The following HTR5A variants were observed in gnomAD, a reference collection of about 807,000 sequenced individuals.
The protein encoded by HTR5A is 5-hydroxytryptamine receptor 5A, also known as 5-HT-5.
Under a neutral mutation model 24.3 loss-of-function variants are expected in HTR5A, and 21 were observed. The observed-to-expected ratio is 0.86, with a 90% CI of 0.61 to 1.24. HTR5A has a LOEUF of 1.24. HTR5A is among the 50% of genes most tolerant of loss of function. The pLI, the probability that HTR5A is intolerant of heterozygous loss-of-function variation, is 0.00. For synonymous variants in HTR5A, 260 were observed against 213.7 expected (o/e 1.22, Z -1.89); for missense variants, 497 against 489.5 (o/e 1.02, Z -0.15).
At position 155,084,724 on chromosome 7, in the gene HTR5A, A is replaced by T; in HGVS notation, c.*237A>T. On this transcript the variant is annotated 3_prime_UTR_variant, in exon 2 of 2. Transcript: ENST00000287907. ...ATCTACTATCCCTTTCTCTGTGCTG[A>T]CAGTCATGGTCTTTGCCCGCAAAGT... is the stretch of plus-strand genomic sequence containing the variant. The T allele has an allele frequency of 2.1e-6, 1 of 487,456 alleles. No homozygotes were observed. The highest frequency in any genetic ancestry group is 3.6e-6 in the Non-Finnish European group (1 of 277,586). 30.2% of individuals were successfully genotyped at this position (487,456 alleles called of 1,614,324 possible). A position where few individuals can be genotyped will look rare whatever the true frequency, so the allele number is the denominator to read the frequency against.
At position 155,071,669 on chromosome 7, in the gene HTR5A, C is replaced by T. The variant is rs201968051; in HGVS notation, c.741+29C>T. ...GGTATCTCAGCAATCCTTAAAAATA[C>T]TCGACTTGCATCTGTACAGGCTATA... is the stretch of plus-strand genomic sequence containing the variant. On this transcript the variant is annotated intron_variant, in intron 1 of 1. Transcript: ENST00000287907. 2.1e-5 allele frequency: 33 copies of T among 1,605,798 alleles called. No individual in the cohort carries two copies. In the South Asian group the frequency reaches 3.0e-4, roughly 15 times the overall value.
chr7:155,074,896 A>T (rs976760028), intron 1 of HTR5A: 7 of 152,228 alleles, frequency 4.6e-5, no homozygotes, highest in Non-Finnish European at 8.8e-5. Context: ...GTAGATGAAT[A>T]GCATGACACC....
chr7:155,083,673 G>C (rs1795443555), intron 1 of HTR5A, among the ~76,000 whole-genome samples: 1 of 152,196 alleles, frequency 6.6e-6, no homozygotes, highest in African/African-American at 2.4e-5. Context: ...AATATGCTAT[G>C]GGGCACAGCA....
At chr7:155,083,453 G>C (rs533651934) in intron 1 of HTR5A, among the ~76,000 whole-genome samples, 9 of 152,358 alleles carry the variant, frequency 5.9e-5, no homozygotes, top group Admixed American at 6.5e-5. Context: ...GGGAGGAAGA[G>C]CTTCCTTTCC....
chr7:155,087,032 C>T lies in HTR5A; in HGVS notation c.*2545C>T, dbSNP rs758882878. 9.2e-5 allele frequency among the ~76,000 whole-genome samples: 14 copies of T among 152,040 alleles called. No homozygotes were observed. The South Asian group carries it at 1.2e-3, about 14-fold the overall frequency. On this transcript the variant is annotated 3_prime_UTR_variant, in exon 2 of 2. Coordinates refer to ENST00000287907, the MANE Select transcript of HTR5A (RefSeq NM_024012.4). ...TCCTTTCAGCTCTTGTAGAATATGT[C>T]GAACAAAACGCACAGTTCTGCCCTC... is the stretch of plus-strand genomic sequence containing the variant.
chr7:155,070,755 G>A lies in HTR5A; in HGVS notation c.-145G>A. 2.3e-6 allele frequency: 2 copies of A among 868,884 alleles called. No individual in the cohort carries two copies. Among genetic ancestry groups the A allele is most frequent in the South Asian group, 1.7e-5 (1 of 60,388 alleles). The allele number at this position is 868,884 out of a possible 1,614,324, so 53.8% of individuals were successfully genotyped here. Reference sequence around the variant, plus strand: ...ACGGATGCTCACTAGCAGGAAATTGGGGCCAAATTCACAGGCACTTTCCAG... The same window carrying A: ...ACGGATGCTCACTAGCAGGAAATTGAGGCCAAATTCACAGGCACTTTCCAG... On this transcript the variant is annotated 5_prime_UTR_variant, in exon 1 of 2. Transcript: ENST00000287907.
At chr7:155,073,696 C>G (rs74917375) in intron 1 of HTR5A, among the ~76,000 whole-genome samples, 2 of 151,798 alleles carry the variant, frequency 1.3e-5, no homozygotes, top group Admixed American at 6.6e-5. Context: ...GCCCTAAACA[C>G]AGCTTTAGAA....
In HTR5A at chr7:155,084,157, G is replaced by A. The variant is rs1185196143; in HGVS notation, c.744G>A (p.Val248=). The A allele has an allele frequency of 2.5e-6, 4 of 1,598,416 alleles. No homozygotes were observed. The highest frequency in any genetic ancestry group is 2.6e-6 in the Non-Finnish European group (3 of 1,172,294). The change falls in exon 2 of 2, where the codon GTG becomes GTA. Residue 248 remains valine, a splice_region_variant and synonymous_variant. Coordinates refer to ENST00000287907, the MANE Select transcript of HTR5A (RefSeq NM_024012.4). ...SVSPISEAVE[V]KDSAKQPQMV... Reference sequence around the variant, plus strand: ...AAGCTCCTGCTTGTCTTTTACAGGTGAAGGACTCTGCCAAACAGCCCCAGA... The same window carrying A: ...AAGCTCCTGCTTGTCTTTTACAGGTAAAGGACTCTGCCAAACAGCCCCAGA...
chr7:155,071,050 G>C lies in HTR5A; in HGVS notation c.151G>C (p.Val51Leu), dbSNP rs757520926. 1.9e-6 allele frequency: 3 copies of C among 1,610,474 alleles called. No homozygotes were observed. Among genetic ancestry groups the C allele is most frequent in the Non-Finnish European group, 8.5e-7 (1 of 1,180,024 alleles). The change falls in exon 1 of 2, where the codon GTG (valine) becomes CTG (leucine). Residue 51 changes from valine to leucine, a missense_variant. Val to Leu is a conservative substitution (Grantham distance 32, BLOSUM62 1). Transcript: ENST00000287907. Reference protein sequence around the residue: ...VLILTLLGFLVAATFAWNLLV... With the variant: ...VLILTLLGFLLAATFAWNLLV... ...TATTCTCACCTTGCTGGGCTTTCTG[G>C]TGGCGGCGACGTTCGCCTGGAACCT... is the stretch of plus-strand genomic sequence containing the variant.
intron 1 of HTR5A, chr7:155,077,343 A>T (rs971454706): frequency 6.6e-5 from 10 of 152,190 alleles, no homozygotes; most frequent in Non-Finnish European, 2.9e-5. Context: ...TCTTCCATTA[A>T]GTAAAGTTGA....
At chr7:155,075,858 A>C (rs542146937) in intron 1 of HTR5A, among the ~76,000 whole-genome samples, 8 of 152,016 alleles carry the variant, frequency 5.3e-5, no homozygotes, top group East Asian at 3.9e-4. Flanking sequence ...TTAAAAAAAA[A>C]CCCTCTAGTT....
intron 1 of HTR5A, chr7:155,077,154 C>T (rs990985183): frequency 2.6e-5 from 4 of 152,186 alleles, no homozygotes; most frequent in Non-Finnish European, 5.9e-5. Context: ...TGTAGGCATT[C>T]TCACGTCAGA....
chr7:155,072,004 T>C (rs1795303100), intron 1 of HTR5A, among the ~76,000 whole-genome samples: 1 of 152,060 alleles, frequency 6.6e-6, no homozygotes, highest in Non-Finnish European at 1.5e-5. Context: ...TTCAGTACAC[T>C]GGAAAAAACT....
intron 1 of HTR5A, among the ~76,000 whole-genome samples, chr7:155,073,899 A>ACATG (rs1554519639): frequency 2.7e-3 from 42 of 15,442 alleles, no homozygotes; most frequent in Admixed American, 0.01. Flanking sequence ...GTATATATAT[A>ACATG]TATATATATA....
Position 155,084,384 on chromosome 7 carries a change from T to G in HTR5A, c.971T>G (p.Leu324Arg), listed in dbSNP as rs1795452777. 2 of 1,614,092 alleles carry G rather than the reference T, an allele frequency of 1.2e-6. No individual in the cohort carries two copies. The highest frequency in any genetic ancestry group is 1.7e-6 in the Non-Finnish European group (2 of 1,180,044). The change falls in exon 2 of 2, where the codon CTG becomes CGG. Residue 324 changes from leucine to arginine, a missense_variant. Coordinates refer to ENST00000287907, the MANE Select transcript of HTR5A (RefSeq NM_024012.4). ...CCCGCCATCTGGAAAAGCATCTTCC[T>G]GTGGCTTGGCTACTCCAACTCCTTC... ...DIPAIWKSIF[L>R]WLGYSNSFFN...
At position 155,086,687 on chromosome 7, in the gene HTR5A, T is replaced by C. The variant is rs1016817176; in HGVS notation, c.*2200T>C. ...ACATAAGAGAAGGAAGAAGTGGCAA[T>C]TAATGAATTATTTTGCTTCCATTTC... On this transcript the variant is annotated 3_prime_UTR_variant, in exon 2 of 2. Coordinates refer to ENST00000287907, the MANE Select transcript of HTR5A (RefSeq NM_024012.4). Among the ~76,000 whole-genome samples, 8 of 152,200 alleles carry C rather than the reference T, an allele frequency of 5.3e-5. No individual in the cohort carries two copies. Among genetic ancestry groups the C allele is most frequent in the African/African-American group, 1.9e-4 (8 of 41,454 alleles).
intron 1 of HTR5A, among the ~76,000 whole-genome samples, chr7:155,073,744 G>A (rs1822087): frequency 0.87 from 131,293 of 151,046 alleles, 59,981 homozygotes; most frequent in East Asian, 1. Flanking sequence ...AAGGCTTCCT[G>A]TAAAAGGATG....
At chr7:155,073,904 T>TATATATATGTATATATATATAC (rs1563419722) in intron 1 of HTR5A, among the ~76,000 whole-genome samples, 22 of 37,106 alleles carry the variant, frequency 5.9e-4, no homozygotes, top group African/African-American at 1.3e-3. Flanking sequence ...TATATATATA[T>TATATATATGTATATATATATAC]ATATATATAT....
At chr7:155,084,101 C>G (rs1795447874) in intron 1 of HTR5A, 54 bp from the exon 2 acceptor site, 2 of 1,395,110 alleles carry the variant, frequency 1.4e-6, no homozygotes. Context: ...CCAGGCTCAG[C>G]CTAGCAGGTA....
Sources: allele counts gnomAD v4.1 joint callset (sites outside exome capture counted in the v4.1 genomes callset), GRCh38; gene constraint gnomAD v4.1.1; transcripts MANE v1.5; gene names NCBI Gene and HGNC (gene_info 2026-07-23, HGNC 2026-07-21).